The following ANKHD1 variants were observed in gnomAD, a reference collection of about 807,000 sequenced individuals.
ANKHD1 encodes ankyrin repeat and KH domain-containing protein 1.
A neutral mutation model predicts 230.5 loss-of-function variants in ANKHD1; 31 were observed. The ratio of observed to expected loss-of-function variants is 0.13; its 90% CI spans 0.10 to 0.18. ANKHD1 has a LOEUF of 0.18. Ranked by LOEUF, ANKHD1 falls within the 10% of genes least tolerant of loss-of-function variation. The probability of loss-of-function intolerance (pLI) is 1.00; values close to 1 mark genes in which losing one functional copy is unlikely to be tolerated. For missense variants in ANKHD1, 2,256 were observed against 3,071.3 expected (o/e 0.73, Z 6.27); for synonymous variants, 1,074 against 1,117.6 (o/e 0.96, Z 0.78).
chr5:140,432,347 T>C (rs1465956558), intron 1 of ANKHD1, among the ~76,000 whole-genome samples: 1 of 152,220 alleles, frequency 6.6e-6, no homozygotes, highest in African/African-American at 2.4e-5. Context: ...TGGGACCTTT[T>C]GTGTCTCCCT....
intron 1 of ANKHD1, among the ~76,000 whole-genome samples, chr5:140,426,115 A>G (rs1485262974): frequency 1.3e-5 from 2 of 152,210 alleles, no homozygotes; most frequent in East Asian, 3.8e-4. Flanking sequence ...TTAAATGATC[A>G]AATCTGAATT....
intron 1 of ANKHD1, among the ~76,000 whole-genome samples, chr5:140,434,916 A>G (rs992895309): frequency 3.3e-5 from 5 of 152,158 alleles, no homozygotes; most frequent in East Asian, 1.9e-4. Flanking sequence ...ATTTTGATAC[A>G]CGTTTCCAAA....
In ANKHD1 at chr5:140,485,836, C is replaced by T; in HGVS notation, c.2142+104C>T. ...AGCAAAATGGACTTGTTTTTATTCT[C>T]TGTTACATATTGAGAAAATCATGAC... On this transcript the variant is annotated intron_variant, in intron 13 of 33. Transcript: ENST00000360839. The surrounding 1 kb of genome is among the most constrained non-coding windows in gnomAD (Gnocchi z 4.8). 6.1e-6 allele frequency: 9 copies of T among 1,466,812 alleles called. No homozygotes were observed. Among genetic ancestry groups the T allele is most frequent in the Non-Finnish European group, 8.3e-6 (9 of 1,089,896 alleles). The allele number at this position is 1,466,812 out of a possible 1,614,324, so 90.9% of individuals were successfully genotyped here.
intron 1 of ANKHD1, among the ~76,000 whole-genome samples, chr5:140,426,205 C>A (rs1362064964): frequency 1.3e-5 from 2 of 152,214 alleles, no homozygotes; most frequent in Non-Finnish European, 2.9e-5. Context: ...TCTTGGCTCA[C>A]TGCAACTTCT....
At chr5:140,427,582 C>T (rs1339836111) in intron 1 of ANKHD1, among the ~76,000 whole-genome samples, 2 of 144,962 alleles carry the variant, frequency 1.4e-5, no homozygotes, top group Non-Finnish European at 3.0e-5. Context: ...GACGGGGCGG[C>T]TGGCCGGGCG....
chr5:140,450,881 G>A (rs1259658732), intron 7 of ANKHD1, among the ~76,000 whole-genome samples: 1 of 152,100 alleles, frequency 6.6e-6, no homozygotes, highest in Non-Finnish European at 1.5e-5. Context: ...GGCTGGGCGT[G>A]GTGGCTCATG....
intron 10 of ANKHD1, among the ~76,000 whole-genome samples, chr5:140,467,971 C>T (rs961993793): frequency 6.6e-6 from 1 of 151,360 alleles, no homozygotes; most frequent in Non-Finnish European, 1.5e-5. Context: ...CTGTCCATCC[C>T]CCATTGCATG....
At position 140,461,628 on chromosome 5, in the gene ANKHD1, C is replaced by T. The variant is rs79735997; in HGVS notation, c.1672+2273C>T. ...TAATTCATGGCCAATCTTATTTCAT[C>T]TGTACTTCTTCCACATCCCCATTCT... On this transcript the variant is annotated intron_variant, in intron 9 of 33. Transcript: ENST00000360839. Among the ~76,000 whole-genome samples the T allele has an allele frequency of 6.8e-3, 1,028 of 152,266 alleles. 13 individuals are homozygous for T. Among genetic ancestry groups the T allele is most frequent in the African/African-American group, 0.023 (957 of 41,548 alleles).
intron 1 of ANKHD1, among the ~76,000 whole-genome samples, chr5:140,428,164 G>A (rs544609021): frequency 2.3e-4 from 35 of 151,608 alleles, no homozygotes; most frequent in African/African-American, 8.5e-4. Context: ...GGGCAGCCAG[G>A]CAGAGGGGCT....
chr5:140,520,929 T>TAAAAAAAAAAA (rs370538341), intron 24 of ANKHD1, among the ~76,000 whole-genome samples: 1 of 112,848 alleles, frequency 8.9e-6, no homozygotes. Flanking sequence ...TAAAGTATAA[T>TAAAAAAAAAAA]AAAAAAAAAA....
intron 10 of ANKHD1, chr5:140,472,293 C>T: frequency 1.2e-6 from 2 of 1,613,546 alleles, no homozygotes; most frequent in Non-Finnish European, 1.7e-6. Flanking sequence ...GGCCAAGCAT[C>T]AGGTGAGGGT....
intron 31 of ANKHD1, 125 bp from the exon 32 acceptor site, chr5:140,537,961 T>TA: frequency 1.4e-6 from 2 of 1,397,208 alleles, no homozygotes; most frequent in Non-Finnish European, 1.9e-6. Flanking sequence ...CTGTGATAAA[T>TA]ACGCTTTGAG....
intron 23 of ANKHD1, 133 bp downstream of exon 23, chr5:140,513,056 A>T: frequency 1.2e-6 from 1 of 865,866 alleles, no homozygotes. Context: ...TTGTTTCTCC[A>T]TTTGCAAAAT....
At position 140,402,160 on chromosome 5, in the gene ANKHD1, G is replaced by C; in HGVS notation, c.193G>C (p.Gly65Arg). The change falls in exon 1 of 34, where the codon GGC becomes CGC. Residue 65 changes from glycine (G) to arginine (R), a missense_variant. By Grantham distance (125) the Gly-to-Arg change is moderately radical. Coordinates refer to ENST00000360839, the MANE Select transcript of ANKHD1 (RefSeq NM_017747.3). Reference sequence around the variant, plus strand: ...CGGCAGCAGCGGCGGCGGCGGCAGCGGCAGCGGTACGGGCGGAGGGGACGC... The same window carrying C: ...CGGCAGCAGCGGCGGCGGCGGCAGCCGCAGCGGTACGGGCGGAGGGGACGC... Reference protein sequence around the residue: ...GVGSSGGGGSGSGTGGGDAAL... With the variant: ...GVGSSGGGGSRSGTGGGDAAL... The C allele has an allele frequency of 6.5e-7, 1 of 1,529,712 alleles. No individual in the cohort carries two copies. The highest frequency in any genetic ancestry group is 8.7e-7 in the Non-Finnish European group (1 of 1,143,596). 94.8% of individuals were successfully genotyped at this position (1,529,712 alleles called of 1,614,324 possible).
chr5:140,493,143 C>T (rs1751880793), intron 14 of ANKHD1, among the ~76,000 whole-genome samples: 1 of 152,214 alleles, frequency 6.6e-6, no homozygotes, highest in African/African-American at 2.4e-5. Context: ...CTCGCTGCAA[C>T]TTCTGCCTCC....
chr5:140,536,829 G>C (rs965495812), intron 30 of ANKHD1, among the ~76,000 whole-genome samples: 2 of 152,112 alleles, frequency 1.3e-5, no homozygotes, highest in African/African-American at 4.8e-5. Context: ...TTTGAGACCA[G>C]CCTGACCAAC....
chr5:140,494,370 G>T (rs573524451), intron 14 of ANKHD1, among the ~76,000 whole-genome samples: 2 of 152,116 alleles, frequency 1.3e-5, no homozygotes, highest in African/African-American at 2.4e-5. Flanking sequence ...ATTGAGGAAG[G>T]CTGAGGCTGG....
At position 140,485,577 on chromosome 5, in the gene ANKHD1, A is replaced by AT. The variant is rs1394165055; in HGVS notation, c.1999-10dup. ...CTATAAAGAATTAATTATCATGGCAATTCTTTTTCAGGATGGTTCAACAAT... is the reference window on the plus strand; with the variant it reads ...CTATAAAGAATTAATTATCATGGCAATTTCTTTTTCAGGATGGTTCAACAAT... On this transcript the variant is annotated splice_polypyrimidine_tract_variant and intron_variant, in intron 12 of 33. Transcript: ENST00000360839. The surrounding 1 kb of genome is among the most constrained non-coding windows in gnomAD (Gnocchi z 4.8). 5 of 1,611,642 alleles carry AT rather than the reference A, an allele frequency of 3.1e-6. No homozygotes were observed. Among genetic ancestry groups the AT allele is most frequent in the Non-Finnish European group, 4.2e-6 (5 of 1,179,364 alleles).
intron 1 of ANKHD1, among the ~76,000 whole-genome samples, chr5:140,404,255 A>G (rs1770230808): frequency 6.6e-6 from 1 of 152,170 alleles, no homozygotes; most frequent in Non-Finnish European, 1.5e-5. Flanking sequence ...GGATATCCTT[A>G]GACTAAAGAT....
Sources: gnomAD v4.1 joint callset for allele counts (sites outside exome capture counted in the v4.1 genomes callset) on GRCh38, gnomAD v4.1.1 for gene constraint, Gnocchi (gnomAD v3.1) non-coding constraint, MANE v1.5 for transcripts, NCBI Gene and HGNC (gene_info 2026-07-23, HGNC 2026-07-21) for gene names.